SHROOM4: variants seen among roughly 807,000 people sequenced by gnomAD.
SHROOM4 encodes the protein protein Shroom4.
Under a neutral mutation model 80.3 loss-of-function variants are expected in SHROOM4, and 17 were observed. The ratio of observed to expected loss-of-function variants is 0.21; its 90% CI spans 0.14 to 0.32. The LOEUF (loss-of-function observed/expected upper bound fraction) is 0.32. Ranked by LOEUF, SHROOM4 falls within the 10% of genes least tolerant of loss-of-function variation. The probability of loss-of-function intolerance (pLI) is 1.00; values close to 1 mark genes in which losing one functional copy is unlikely to be tolerated. For synonymous variants in SHROOM4, 400 were observed against 437.5 expected, an observed-to-expected ratio of 0.91 and a Z score of 1.07; for missense variants, 993 against 1,140.3, an observed-to-expected ratio of 0.87 and a Z score of 1.86.
In SHROOM4 at chrX:50,778,166, C is replaced by T. The variant is rs782197675; in HGVS notation, c.117+35736G>A. ...AATCAGCTTTCTGACCATGTTAATC[C>T]TTTGCTCAGACTACTGCAGACTCTT... On this transcript the variant is annotated intron_variant, in intron 1 of 8. Transcript: ENST00000376020. Among the ~76,000 whole-genome samples, 15 of 112,182 alleles carry T rather than the reference C, an allele frequency of 1.3e-4. 1 individual carries two copies. In the South Asian group the frequency reaches 5.3e-3, roughly 39 times the overall value.
chrX:50,586,061 T>C (rs1233272846), downstream of SHROOM4, among the ~76,000 whole-genome samples: 2 of 111,873 alleles, frequency 1.8e-5, no homozygotes, highest in Non-Finnish European at 3.8e-5. Flanking sequence ...AAAAGAAAAC[T>C]AAAGCTTCCA....
At chrX:50,647,231 G>T (rs1285027122) in intron 2 of SHROOM4, among the ~76,000 whole-genome samples, 2 of 112,029 alleles carry the variant, frequency 1.8e-5, no homozygotes, top group Admixed American at 1.9e-4. Context: ...GAGGGAAAAA[G>T]CTGGCTGATC....
intron 2 of SHROOM4, among the ~76,000 whole-genome samples, chrX:50,642,462 T>C (rs1557257318): frequency 9.0e-6 from 1 of 111,615 alleles, no homozygotes; most frequent in Non-Finnish European, 1.9e-5. Flanking sequence ...ATTATTGTTA[T>C]TATTATTAAG....
chrX:50,738,077 C>A (rs1934541733), intron 1 of SHROOM4, among the ~76,000 whole-genome samples: 1 of 111,055 alleles, frequency 9.0e-6, no homozygotes, highest in African/African-American at 3.3e-5. Context: ...AAGACAAAAA[C>A]CACATGATTA....
At chrX:50,705,235 CAT>C (rs1314896819) in intron 1 of SHROOM4, among the ~76,000 whole-genome samples, 1 of 109,705 alleles carries the variant, frequency 9.1e-6, no homozygotes, top group Non-Finnish European at 1.9e-5. Context: ...TGCCAAATAA[CAT>C]AAAACAAAAC....
At chrX:50,704,408 G>A (rs1267845428) in intron 1 of SHROOM4, among the ~76,000 whole-genome samples, 14 of 111,458 alleles carry the variant, frequency 1.3e-4, no homozygotes, top group Non-Finnish European at 1.3e-4. Flanking sequence ...TTTTCAAGTT[G>A]ATCAAAAATG....
intron 1 of SHROOM4, among the ~76,000 whole-genome samples, chrX:50,724,265 G>A (rs2147524182): frequency 9.0e-6 from 1 of 111,532 alleles, no homozygotes; most frequent in East Asian, 2.8e-4. Flanking sequence ...AGCTAAAAAA[G>A]GCAAGGAAGT....
At chrX:50,697,601 TTGTC>T (rs1933405394) in intron 1 of SHROOM4, among the ~76,000 whole-genome samples, 2 of 112,102 alleles carry the variant, frequency 1.8e-5, no homozygotes, top group Admixed American at 9.5e-5. Context: ...AAATTAACCT[TTGTC>T]TGACAAATCA....
intron 5 of SHROOM4, among the ~76,000 whole-genome samples, chrX:50,611,074 A>G (rs782586251): frequency 9.0e-6 from 1 of 110,706 alleles, no homozygotes; most frequent in Admixed American, 9.5e-5. Context: ...AGAAAATGGA[A>G]GTAGTACAGA....
At chrX:50,769,740 A>T (rs1265716247) in intron 1 of SHROOM4, among the ~76,000 whole-genome samples, 1 of 111,374 alleles carries the variant, frequency 9.0e-6, no homozygotes, top group East Asian at 2.8e-4. Flanking sequence ...TGCCTTAATA[A>T]TCCACTCACC....
intron 1 of SHROOM4, among the ~76,000 whole-genome samples, chrX:50,792,183 C>A (rs1602517505): frequency 8.9e-6 from 1 of 111,893 alleles, no homozygotes; most frequent in African/African-American, 3.3e-5. Flanking sequence ...GGCTTCTGCA[C>A]AACTAACGAA....
chrX:50,638,312 C>G lies in SHROOM4; in HGVS notation c.270-4G>C. On this transcript the variant is annotated splice_polypyrimidine_tract_variant and splice_region_variant and intron_variant, in intron 2 of 8. Coordinates refer to ENST00000376020, the MANE Select transcript of SHROOM4 (RefSeq NM_020717.5). ...CCTACTGACAGGGGCGTTCCTCCTA[C>G]AGCAAGAAAGGGACAGGAAGTGGGC... is the stretch of plus-strand genomic sequence containing the variant. The G allele has an allele frequency of 8.3e-7, 1 of 1,211,759 alleles. No individual in the cohort carries two copies. Among genetic ancestry groups the G allele is most frequent in the Non-Finnish European group, 1.1e-6 (1 of 895,357 alleles).
At chrX:50,687,915 A>G (rs1171529771) in intron 2 of SHROOM4, among the ~76,000 whole-genome samples, 1 of 110,391 alleles carries the variant, frequency 9.1e-6, no homozygotes, top group Non-Finnish European at 1.9e-5. Flanking sequence ...GTGTAAAAAA[A>G]AAAAACTCCT....
chrX:50,638,419 C>T (rs1931452635), intron 2 of SHROOM4, 111 bp from the exon 3 acceptor site: 1 of 978,147 alleles, frequency 1.0e-6, no homozygotes, highest in Non-Finnish European at 1.4e-6. Flanking sequence ...GAACATCTTG[C>T]AAGGAACTGG....
chrX:50,648,802 A>G (rs1176079617), intron 2 of SHROOM4, among the ~76,000 whole-genome samples: 1 of 112,350 alleles, frequency 8.9e-6, no homozygotes, highest in Non-Finnish European at 1.9e-5. Context: ...GTGAAATTAG[A>G]ATGATTCAAG....
At chrX:50,762,611 T>C (rs1935183616) in intron 1 of SHROOM4, among the ~76,000 whole-genome samples, 1 of 112,041 alleles carries the variant, frequency 8.9e-6, no homozygotes, top group Admixed American at 9.5e-5. Context: ...TCTTTGTTTA[T>C]CTGAGAATGT....
intron 5 of SHROOM4, among the ~76,000 whole-genome samples, chrX:50,610,116 A>G: frequency 9.0e-6 from 1 of 111,331 alleles, no homozygotes; most frequent in East Asian, 2.8e-4. Context: ...TTAAAAAATA[A>G]TAATACACAT....
intron 5 of SHROOM4, among the ~76,000 whole-genome samples, chrX:50,615,132 A>G (rs868990302): frequency 7.6e-5 from 7 of 91,688 alleles, no homozygotes; most frequent in African/African-American, 2.5e-4. Flanking sequence ...GTGTGTGTGT[A>G]TACACTAAAT....
At chrX:50,716,452 A>AC (rs1557264846) in intron 1 of SHROOM4, among the ~76,000 whole-genome samples, 3 of 111,862 alleles carry the variant, frequency 2.7e-5, no homozygotes, top group Non-Finnish European at 5.6e-5. Context: ...CCTGTTGTAC[A>AC]CCATAAATAT....
Sources: gnomAD v4.1 joint callset for allele counts (sites outside exome capture counted in the v4.1 genomes callset) on GRCh38, gnomAD v4.1.1 for gene constraint, MANE v1.5 for transcripts, NCBI Gene and HGNC (gene_info 2026-07-23, HGNC 2026-07-21) for gene names.